XKR9: variants seen among roughly 807,000 people sequenced by gnomAD.
The protein encoded by XKR9 is XK-related protein 9.
In XKR9, 32 loss-of-function variants were observed where a neutral mutation model predicts 32.0. The ratio of observed to expected loss-of-function variants is 1.00; its 90% CI spans 0.76 to 1.34. The LOEUF is 1.34. XKR9 is among the 40% of genes most tolerant of loss of function. The pLI is 0.00. For missense variants in XKR9, 546 were observed against 429.7 expected, an observed-to-expected ratio of 1.27 and a Z score of -2.39; for synonymous variants, 168 against 143.4, an observed-to-expected ratio of 1.17 and a Z score of -1.22.
chr8:70,877,270 G>A, the XKR9 span, among the ~76,000 whole-genome samples: 5 of 152,122 alleles, frequency 3.3e-5, no homozygotes, highest in African/African-American at 9.7e-5. Flanking sequence ...CTTGACACAT[G>A]GGGATTATTA....
the XKR9 span, among the ~76,000 whole-genome samples, chr8:70,859,381 A>G: frequency 6.6e-6 from 1 of 152,116 alleles, no homozygotes; most frequent in Non-Finnish European, 1.5e-5. Flanking sequence ...TGAGGATGTG[A>G]AGAGAGGGGA....
At chr8:70,811,814 A>G in the XKR9 span, among the ~76,000 whole-genome samples, 5 of 151,916 alleles carry the variant, frequency 3.3e-5, no homozygotes, top group African/African-American at 4.8e-5. Flanking sequence ...TTACCAACCA[A>G]AAAGAGTCCA....
At chr8:70,847,858 C>T in the XKR9 span, among the ~76,000 whole-genome samples, 1 of 152,032 alleles carries the variant, frequency 6.6e-6, no homozygotes, top group Admixed American at 6.5e-5. Flanking sequence ...AAGCCCTGGA[C>T]TTGATGGCTT....
the XKR9 span, among the ~76,000 whole-genome samples, chr8:71,010,495 G>A: frequency 6.6e-6 from 1 of 152,102 alleles, no homozygotes; most frequent in Admixed American, 6.5e-5. Flanking sequence ...TCTTTCTTAC[G>A]TCTGGATTAC....
chr8:70,814,985 C>T, the XKR9 span, among the ~76,000 whole-genome samples: 1 of 152,132 alleles, frequency 6.6e-6, no homozygotes, highest in African/African-American at 2.4e-5. Flanking sequence ...GAAGGCCATA[C>T]TATTTACAAT....
the XKR9 span, among the ~76,000 whole-genome samples, chr8:70,941,103 A>T: frequency 6.6e-6 from 1 of 152,140 alleles, no homozygotes; most frequent in East Asian, 1.9e-4. Context: ...CATAACCATC[A>T]AGCAATCACT....
At chr8:70,710,762 C>CA (rs367840561) in intron 4 of XKR9, among the ~76,000 whole-genome samples, 3 of 150,066 alleles carry the variant, frequency 2.0e-5, no homozygotes, top group South Asian at 2.1e-4. Flanking sequence ...GCAATTGCAA[C>CA]AAAAAAAAAG....
the XKR9 span, among the ~76,000 whole-genome samples, chr8:70,826,537 G>A: frequency 1.1e-3 from 173 of 152,158 alleles, 1 homozygote; most frequent in African/African-American, 3.9e-3. Context: ...ATGGAAATTT[G>A]CCATTTTCTA....
the XKR9 span, among the ~76,000 whole-genome samples, chr8:71,002,255 G>A: frequency 2.0e-5 from 3 of 151,662 alleles, no homozygotes; most frequent in Non-Finnish European, 4.4e-5. Flanking sequence ...GAGAGATTGG[G>A]GTTGACGATA....
At chr8:70,682,687 G>A (rs1284240301) in intron 3 of XKR9, among the ~76,000 whole-genome samples, 1 of 152,092 alleles carries the variant, frequency 6.6e-6, no homozygotes, top group Non-Finnish European at 1.5e-5. Context: ...GTATGGTGTG[G>A]TCATCTCACC....
the XKR9 span, among the ~76,000 whole-genome samples, chr8:70,840,971 C>T: frequency 2.0e-5 from 3 of 152,110 alleles, no homozygotes; most frequent in East Asian, 5.8e-4. Flanking sequence ...TCTAAATTCA[C>T]AGGGTTTTGG....
At chr8:71,039,328 A>G in the XKR9 span, among the ~76,000 whole-genome samples, 2 of 152,246 alleles carry the variant, frequency 1.3e-5, no homozygotes, top group Non-Finnish European at 2.9e-5. Context: ...CCCAAACATC[A>G]TAGGTGTTAG....
At chr8:70,856,816 A>C in the XKR9 span, among the ~76,000 whole-genome samples, 1 of 152,224 alleles carries the variant, frequency 6.6e-6, no homozygotes, top group Non-Finnish European at 1.5e-5. Flanking sequence ...AGGATTAAGA[A>C]ACTCACTCAA....
rs1392124138 is a variant in XKR9, at chr8:70,734,124, A to AT, written c.828dup (p.Asn277Ter). 2.5e-6 allele frequency: 4 copies of AT among 1,612,216 alleles called. No homozygotes were observed. The highest frequency in any genetic ancestry group is 3.3e-5 in the Admixed American group (2 of 59,848). On this transcript the variant is annotated frameshift_variant, in exon 5 of 5. Coordinates refer to ENST00000408926, the MANE Select transcript of XKR9 (RefSeq NM_001011720.2). LOFTEE classifies it high-confidence loss of function. Reference sequence around the variant, plus strand: ...TTGTTGGATTCATTCTTATCTTTACATTTTTTAATATTAAGGGACAGAATA... The same window carrying AT: ...TTGTTGGATTCATTCTTATCTTTACATTTTTTTAATATTAAGGGACAGAATA...
rs1807589696 is a variant in XKR9 at position 70,779,771 on chromosome 8, G to GT, written n.353-9565dup. 2.6e-5 allele frequency among the ~76,000 whole-genome samples: 4 copies of GT among 152,244 alleles called. No homozygotes were observed. In the South Asian group the frequency reaches 8.3e-4, roughly 32 times the overall value. On this transcript the variant is annotated intron_variant and non_coding_transcript_variant, in intron 2 of 3. Coordinates refer to the XKR9 transcript ENST00000520273. ...GTGTTTATAGTATTCTCTGATGGTA[G>GT]TTTGTATTTCTGTGGGATTGGTGGT...
At chr8:71,010,894 A>G in the XKR9 span, among the ~76,000 whole-genome samples, 3 of 152,166 alleles carry the variant, frequency 2.0e-5, no homozygotes, top group African/African-American at 4.8e-5. Context: ...TAGCATGCAA[A>G]TTGTCATCCT....
the XKR9 span, among the ~76,000 whole-genome samples, chr8:70,928,551 T>C: frequency 6.6e-6 from 1 of 152,168 alleles, no homozygotes; most frequent in Non-Finnish European, 1.5e-5. Flanking sequence ...TTTTACCACC[T>C]TTTGGGAAAG....
chr8:71,043,903 G>C, the XKR9 span, among the ~76,000 whole-genome samples: 1 of 151,928 alleles, frequency 6.6e-6, no homozygotes, highest in African/African-American at 2.4e-5. Context: ...GGTTATGTCT[G>C]TTAACAGCAA....
chr8:70,691,890 A>G (rs1201309190), intron 3 of XKR9, among the ~76,000 whole-genome samples: 1 of 152,066 alleles, frequency 6.6e-6, no homozygotes, highest in African/African-American at 2.4e-5. Flanking sequence ...TGCCTTGACT[A>G]TTTGGGCTCT....
Sources: gnomAD v4.1 joint callset for allele counts (sites outside exome capture counted in the v4.1 genomes callset) on GRCh38, gnomAD v4.1.1 for gene constraint, MANE v1.5 for transcripts, NCBI Gene and HGNC (gene_info 2026-07-23, HGNC 2026-07-21) for gene names.